POLQ: variants seen among roughly 807,000 people sequenced by gnomAD.
The protein encoded by POLQ is epididymis secretory sperm binding protein.
A neutral mutation model predicts 259.2 loss-of-function variants in POLQ; 233 were observed. The ratio of observed to expected loss-of-function variants is 0.90; its 90% CI spans 0.81 to 1.00. POLQ has a LOEUF of 1.00. Ranked by LOEUF, POLQ falls within the 50% of genes least tolerant of loss-of-function variation. POLQ has a pLI of 0.00. For synonymous variants in POLQ, 1,025 were observed against 1,048.8 expected, an observed-to-expected ratio of 0.98 and a Z score of 0.44; for missense variants, 2,871 against 3,051.6, an observed-to-expected ratio of 0.94 and a Z score of 1.39.
In POLQ at chr3:121,460,231, C is replaced by T; in HGVS notation, c.6971G>A (p.Gly2324Asp). ...AGAGTAGTCAGCAGCCAGTATTGAA[C>T]CACCTGAAGTAGAAGTGATTTCAGA... is the stretch of plus-strand genomic sequence containing the variant. ...MRHAFVPFPG[G>D]SILAADYSQL... The change falls in exon 25 of 30, where the codon GGT becomes GAT. Residue 2324 changes from glycine (G) to aspartate (D), a missense_variant. Physicochemically the swap from Gly to Asp is moderately conservative, Grantham distance 94. Transcript: ENST00000264233. 6.2e-7 allele frequency: 1 copy of T among 1,609,326 alleles called. No individual in the cohort carries two copies. Among genetic ancestry groups the T allele is most frequent in the Non-Finnish European group, 8.5e-7 (1 of 1,175,648 alleles).
intron 22 of POLQ, among the ~76,000 whole-genome samples, chr3:121,469,492 G>A (rs991390884): frequency 3.9e-5 from 6 of 152,022 alleles, no homozygotes; most frequent in African/African-American, 1.4e-4. Context: ...CTAATATTAT[G>A]TCTTTGTCAT....
At chr3:121,515,679 G>A (rs897014869) in intron 9 of POLQ, among the ~76,000 whole-genome samples, 2 of 152,202 alleles carry the variant, frequency 1.3e-5, no homozygotes, top group African/African-American at 2.4e-5. Flanking sequence ...CTAGACAAGT[G>A]AAGTTCTATC....
rs1438354398 is a variant in POLQ, at chr3:121,468,439, C to T, written c.6719-8G>A. Reference sequence around the variant, plus strand: ...CTGTAAAGGTTATTCGTCCTAAAATCAAGCAGAATAAAGACATAAAATCAG... The same window carrying T: ...CTGTAAAGGTTATTCGTCCTAAAATTAAGCAGAATAAAGACATAAAATCAG... On this transcript the variant is annotated splice_polypyrimidine_tract_variant and splice_region_variant and intron_variant, in intron 22 of 29. Coordinates refer to ENST00000264233, the MANE Select transcript of POLQ (RefSeq NM_199420.4). 6.3e-7 allele frequency: 1 copy of T among 1,598,754 alleles called. No homozygotes were observed. The highest frequency in any genetic ancestry group is 1.7e-5 in the Admixed American group (1 of 59,432).
In POLQ at chr3:121,541,351, G is replaced by A; in HGVS notation, c.472C>T (p.Gln158Ter). 6.3e-7 allele frequency: 1 copy of A among 1,593,336 alleles called. No individual in the cohort carries two copies. The highest frequency in any genetic ancestry group is 8.5e-7 in the Non-Finnish European group (1 of 1,171,702). The change falls in exon 3 of 30, where the codon CAG (glutamine) becomes TAG (stop). Residue 158 changes from glutamine to a stop codon, truncating the protein, a stop_gained and splice_region_variant. Transcript: ENST00000264233. LOFTEE classifies it high-confidence loss of function. Reference protein sequence around the residue: ...SVAKEKKYYLQSLFQEVGIKV... With the variant: ...SVAKEKKYYL ...TCAAACTTAGTAAAAAACATTACCTGGAGGTAGTATTTCTTCTCTTTAGCC... is the reference window on the plus strand; with the variant it reads ...TCAAACTTAGTAAAAAACATTACCTAGAGGTAGTATTTCTTCTCTTTAGCC...
intron 12 of POLQ, among the ~76,000 whole-genome samples, chr3:121,509,322 T>C (rs1023756599): frequency 6.6e-6 from 1 of 152,206 alleles, no homozygotes; most frequent in Middle Eastern, 3.2e-3. Flanking sequence ...ATATTTTTTA[T>C]AAAACAACTC....
intron 9 of POLQ, among the ~76,000 whole-genome samples, chr3:121,519,457 C>T (rs1227464652): frequency 5.4e-5 from 8 of 148,506 alleles, no homozygotes; most frequent in Non-Finnish European, 8.9e-5. Flanking sequence ...AGGCGGATCA[C>T]GAGGCCAGGA....
Position 121,489,466 on chromosome 3 carries a change from AC to A in POLQ, c.3464del (p.Ser1155MetfsTer7). On this transcript the variant is annotated frameshift_variant, in exon 16 of 30. Coordinates refer to ENST00000264233, the MANE Select transcript of POLQ (RefSeq NM_199420.4). LOFTEE classifies it high-confidence loss of function. ...NVTCQATSVV[S>X]EKGRGVAVEA... The stretch of plus-strand genomic sequence containing the variant: ...CAACAGCTACTCCTCTGCCCTTTTC[AC>A]TAACCACACTAGTGGCCTGACAAGT... 1 of 1,613,960 alleles carries A rather than the reference AC, an allele frequency of 6.2e-7. No individual in the cohort carries two copies. The highest frequency in any genetic ancestry group is 1.1e-5 in the South Asian group (1 of 91,058).
At chr3:121,500,665 T>G (rs180852185) in intron 12 of POLQ, among the ~76,000 whole-genome samples, 1 of 152,280 alleles carries the variant, frequency 6.6e-6, no homozygotes, top group Non-Finnish European at 1.5e-5. Flanking sequence ...GAAGAAATTA[T>G]GGCTAAAAGT....
In POLQ at chr3:121,490,156, G is replaced by A. The variant is rs145250350; in HGVS notation, c.2775C>T (p.Ser925=). 5 of 1,610,046 alleles carry A rather than the reference G, an allele frequency of 3.1e-6. No homozygotes were observed. The highest frequency in any genetic ancestry group is 1.1e-5 in the South Asian group (1 of 90,506). The part of the protein sequence containing the change: ...ESEVKEHTFI[S]QTKSSYKKLT... Reference sequence around the variant, plus strand: ...ATTTTTTATAAGAACTCTTAGTTTGGGATATAAATGTGTGTTCCTTTACTT... The same window carrying A: ...ATTTTTTATAAGAACTCTTAGTTTGAGATATAAATGTGTGTTCCTTTACTT... Residue 925 remains serine (S), a synonymous_variant, in exon 16 of 30, where the codon TCC becomes TCT. Coordinates refer to ENST00000264233, the MANE Select transcript of POLQ (RefSeq NM_199420.4).
In POLQ at chr3:121,472,085, G is replaced by T; in HGVS notation, c.6623C>A (p.Thr2208Asn). ...CCGCTGAAGGGGAAAGACCACTTTG[G>T]TAATAGCATTAGTGATTCTTCTCCA... ...LEWRRITNAI[T>N]KVVFPLQREK... The change falls in exon 22 of 30, where the codon ACC becomes AAC. Residue 2208 changes from threonine to asparagine, a missense_variant. Around this residue, in one of 3 missense-constraint regions of POLQ, gnomAD observed 2,080 missense variants for 2,126.0 expected, o/e 0.98. Transcript: ENST00000264233. The T allele has an allele frequency of 6.3e-7, 1 of 1,576,954 alleles. No homozygotes were observed. The highest frequency in any genetic ancestry group is 8.7e-7 in the Non-Finnish European group (1 of 1,149,988).
chr3:121,487,271 T>C (rs2048019497), intron 16 of POLQ, 31 bp downstream of exon 16: 1 of 1,223,222 alleles, frequency 8.2e-7, no homozygotes, highest in Non-Finnish European at 1.1e-6. Flanking sequence ...AGTTTATAAA[T>C]ATGAAAAAAT....
chr3:121,436,895 C>T (rs2047548467), intron 27 of POLQ, among the ~76,000 whole-genome samples: 1 of 151,670 alleles, frequency 6.6e-6, no homozygotes, highest in Non-Finnish European at 1.5e-5. Context: ...GGCAGGGAAC[C>T]ATGCCTACTA....
intron 6 of POLQ, among the ~76,000 whole-genome samples, chr3:121,531,657 G>A (rs1314085425): frequency 6.6e-6 from 1 of 152,164 alleles, no homozygotes. Flanking sequence ...AAGGGACAAG[G>A]TCAGAAGCAG....
intron 26 of POLQ, among the ~76,000 whole-genome samples, chr3:121,447,531 CA>C (rs1258276345): frequency 3.3e-5 from 5 of 152,024 alleles, no homozygotes; most frequent in Non-Finnish European, 5.9e-5. Context: ...AAGGCTGTTA[CA>C]GTTATTTTTG....
rs576426385 is a variant in POLQ, at chr3:121,503,523, CAA to C, written c.1960-4855_1960-4854del. Among the ~76,000 whole-genome samples the C allele has an allele frequency of 1.4e-4, 21 of 152,248 alleles. No homozygotes were observed. The South Asian group carries it at 4.1e-3, about 30-fold the overall frequency. On this transcript the variant is annotated intron_variant, in intron 12 of 29. Transcript: ENST00000264233. Reference sequence around the variant, plus strand: ...CAATGAATAGAACTACTAAGAAAATCAAAAGGAAATAGAAGACTAAAATAACA... The same window carrying C: ...CAATGAATAGAACTACTAAGAAAATCAAGGAAATAGAAGACTAAAATAACA...
At chr3:121,498,418 T>C (rs2048141270) in intron 13 of POLQ, 59 bp downstream of exon 13, 2 of 1,177,526 alleles carry the variant, frequency 1.7e-6, no homozygotes, top group African/African-American at 1.5e-5. Flanking sequence ...AAACTGGGCG[T>C]CTACTACATG....
At position 121,490,333 on chromosome 3, in the gene POLQ, GCCAGTCA is replaced by G. The variant is rs1442430966; in HGVS notation, c.2591_2597del (p.Val864AlafsTer5). The G allele has an allele frequency of 6.2e-7, 1 of 1,614,168 alleles. No individual in the cohort carries two copies. The highest frequency in any genetic ancestry group is 2.2e-5 in the East Asian group (1 of 44,890). ...CTTCCCTTTCAGTTAAACCTTTTCTGCCAGTCACCCAGATAGTTCGCATATTGCGACG... is the reference window on the plus strand; with the variant it reads ...CTTCCCTTTCAGTTAAACCTTTTCTGCCCAGATAGTTCGCATATTGCGACG... On this transcript the variant is annotated frameshift_variant, in exon 16 of 30. Transcript: ENST00000264233. LOFTEE classifies it high-confidence loss of function.
chr3:121,463,452 C>T (rs1295586368), intron 24 of POLQ, among the ~76,000 whole-genome samples: 1 of 152,162 alleles, frequency 6.6e-6, no homozygotes, highest in African/African-American at 2.4e-5. Context: ...GACTAATACA[C>T]CACCAAACAA....
intron 24 of POLQ, among the ~76,000 whole-genome samples, chr3:121,463,650 C>T (rs568801494): frequency 6.6e-6 from 1 of 152,002 alleles, no homozygotes; most frequent in Non-Finnish European, 1.5e-5. Context: ...CAAAATCAAA[C>T]CAGTGGCATA....
Sources: gnomAD v4.1 joint callset for allele counts (sites outside exome capture counted in the v4.1 genomes callset) on GRCh38, gnomAD v4.1.1 for gene constraint, gnomAD v4.1.1 regional missense constraint, MANE v1.5 for transcripts, NCBI Gene and HGNC (gene_info 2026-07-23, HGNC 2026-07-21) for gene names.